CHRM2: variants seen among roughly 807,000 people sequenced by gnomAD.
The protein encoded by CHRM2 is muscarinic acetylcholine receptor M2.
A neutral mutation model predicts 25.0 loss-of-function variants in CHRM2; 8 were observed. The ratio of observed to expected loss-of-function variants is 0.32; its 90% CI spans 0.19 to 0.58. The LOEUF is 0.58. CHRM2 is among the 20% of genes least tolerant of loss of function. The probability of loss-of-function intolerance (pLI) is 0.88; values close to 1 mark genes in which losing one functional copy is unlikely to be tolerated. For missense variants in CHRM2, 440 were observed against 567.1 expected, an observed-to-expected ratio of 0.78 and a Z score of 2.28; for synonymous variants, 202 against 205.7, an observed-to-expected ratio of 0.98 and a Z score of 0.15.
intron 2 of CHRM2, among the ~76,000 whole-genome samples, chr7:136,905,377 T>A (rs1797478097): frequency 2.6e-5 from 4 of 151,834 alleles, no homozygotes; most frequent in Admixed American, 6.6e-5. Context: ...ATTTTTGTTC[T>A]TATTTTTTAA....
At chr7:136,966,316 T>G (rs1206622192) in intron 2 of CHRM2, among the ~76,000 whole-genome samples, 6 of 151,994 alleles carry the variant, frequency 3.9e-5, no homozygotes, top group Admixed American at 6.6e-5. Context: ...TGCTTCATTT[T>G]TAATAAAATT....
At chr7:136,965,642 G>T (rs1250916549) in intron 2 of CHRM2, among the ~76,000 whole-genome samples, 1 of 151,976 alleles carries the variant, frequency 6.6e-6, no homozygotes, top group Non-Finnish European at 1.5e-5. Context: ...AGAAGAAAAA[G>T]AAGCTCCTAC....
rs928690362 is a variant in CHRM2, at chr7:136,869,090, C to T, written c.-283+98C>T. 2.6e-5 allele frequency: 4 copies of T among 152,210 alleles called. No homozygotes were observed. Among genetic ancestry groups the T allele is most frequent in the African/African-American group, 9.7e-5 (4 of 41,422 alleles). 9.4% of individuals were successfully genotyped at this position (152,210 alleles called of 1,614,324 possible). A position where few individuals can be genotyped will look rare whatever the true frequency, so the allele number is the denominator to read the frequency against. On this transcript the variant is annotated intron_variant, in intron 1 of 3. Coordinates refer to ENST00000680005, the MANE Select transcript of CHRM2 (RefSeq NM_001006630.2). This position sits in a 1 kb window ranked among gnomAD's most constrained non-coding sequence, Gnocchi z 4.9. ...GTCTAAACCACGAACAGGTCACAGA[C>T]TAGCCAAGTGGCTGAGACGAGTGTG... is the stretch of plus-strand genomic sequence containing the variant.
intron 3 of CHRM2, among the ~76,000 whole-genome samples, chr7:137,010,617 G>C (rs1188027420): frequency 6.6e-6 from 1 of 151,964 alleles, no homozygotes; most frequent in East Asian, 1.9e-4. Flanking sequence ...CTGAGAGAAA[G>C]AAATGACAGC....
At chr7:136,968,725 TA>T (rs1801574359) in intron 2 of CHRM2, among the ~76,000 whole-genome samples, 1 of 124,612 alleles carries the variant, frequency 8.0e-6, no homozygotes, top group Non-Finnish European at 1.9e-5. Context: ...ATCATAAATA[TA>T]TATATATATA....
chr7:136,945,486 C>A (rs921223181), intron 2 of CHRM2, among the ~76,000 whole-genome samples: 1 of 151,908 alleles, frequency 6.6e-6, no homozygotes, highest in African/African-American at 2.4e-5. Flanking sequence ...TTGAATAGGG[C>A]GTCCTTTCCC....
chr7:136,953,951 C>T (rs966971079), intron 2 of CHRM2, among the ~76,000 whole-genome samples: 1 of 152,032 alleles, frequency 6.6e-6, no homozygotes, highest in Non-Finnish European at 1.5e-5. Context: ...ATCCTCTTAC[C>T]ATGGTGAGAG....
Position 137,015,669 on chromosome 7 carries a change from T to C in CHRM2, c.804T>C (p.Asp268=). ...TCCAGAATGGCAAAGCCCCCAGGGA[T>C]CCTGTGACTGAAAACTGTGTTCAGG... The part of the protein sequence containing the change: ...NKIQNGKAPR[D]PVTENCVQGE... The change falls in exon 4 of 4, where the codon GAT becomes GAC. Residue 268 remains aspartate, a synonymous_variant. Transcript: ENST00000680005. This position sits in a 1 kb window ranked among gnomAD's most constrained non-coding sequence, Gnocchi z 5.1. The C allele has an allele frequency of 6.2e-7, 1 of 1,612,950 alleles. No homozygotes were observed. Among genetic ancestry groups the C allele is most frequent in the Non-Finnish European group, 8.5e-7 (1 of 1,179,540 alleles).
chr7:136,889,518 C>A (rs138777698), intron 2 of CHRM2, among the ~76,000 whole-genome samples: 41 of 152,300 alleles, frequency 2.7e-4, no homozygotes, highest in Non-Finnish European at 4.9e-4. Flanking sequence ...GGACACAAAT[C>A]AACTTTTCCA....
At chr7:137,013,124 T>C (rs1036060826) in intron 3 of CHRM2, among the ~76,000 whole-genome samples, 95 of 152,120 alleles carry the variant, frequency 6.2e-4, no homozygotes, top group African/African-American at 2.1e-3. Flanking sequence ...ATTAAAGACA[T>C]TGGATAATTT....
chr7:136,991,067 C>A (rs1803194966), intron 2 of CHRM2, among the ~76,000 whole-genome samples: 1 of 152,092 alleles, frequency 6.6e-6, no homozygotes, highest in Admixed American at 6.6e-5. Flanking sequence ...CTTTTCATTT[C>A]TCTCAGTCTG....
chr7:136,997,234 G>A (rs962101060), intron 3 of CHRM2, among the ~76,000 whole-genome samples: 1 of 152,178 alleles, frequency 6.6e-6, no homozygotes, highest in Non-Finnish European at 1.5e-5. Flanking sequence ...ATGTATGTGT[G>A]TAGGAAGATA....
Position 137,019,367 on chromosome 7 carries a change from A to C in CHRM2, c.*3101A>C, listed in dbSNP as rs1427681476. 6.6e-6 allele frequency: 1 copy of C among 151,886 alleles called. No individual in the cohort carries two copies. Among genetic ancestry groups the C allele is most frequent in the East Asian group, 1.9e-4 (1 of 5,144 alleles). 9.4% of individuals were successfully genotyped at this position (151,886 alleles called of 1,614,324 possible). A position where few individuals can be genotyped will look rare whatever the true frequency, so the allele number is the denominator to read the frequency against. Reference sequence around the variant, plus strand: ...TATGCATATCGCACATCTTTTTTCCAGCATCTTAATGTTCAATTATGATTG... The same window carrying C: ...TATGCATATCGCACATCTTTTTTCCCGCATCTTAATGTTCAATTATGATTG... On this transcript the variant is annotated 3_prime_UTR_variant, in exon 4 of 4. Coordinates refer to ENST00000680005, the MANE Select transcript of CHRM2 (RefSeq NM_001006630.2).
At chr7:136,991,933 T>C (rs1051432302) in intron 2 of CHRM2, among the ~76,000 whole-genome samples, 1 of 152,158 alleles carries the variant, frequency 6.6e-6, no homozygotes, top group African/African-American at 2.4e-5. Flanking sequence ...GAGTCACTTC[T>C]CTTTGAGTAC....
At chr7:136,979,489 C>T (rs1477615101) in intron 2 of CHRM2, among the ~76,000 whole-genome samples, 1 of 152,154 alleles carries the variant, frequency 6.6e-6, no homozygotes, top group Non-Finnish European at 1.5e-5. Context: ...GTTGCCATTG[C>T]TTTTGGTATT....
In CHRM2 at chr7:136,961,102, A is replaced by G. The variant is rs530333247; in HGVS notation, c.-124-31085A>G. Among the ~76,000 whole-genome samples the G allele has an allele frequency of 5.6e-4, 85 of 152,246 alleles. 2 individuals are homozygous for G. The highest frequency in any genetic ancestry group is 2.0e-3 in the African/African-American group (83 of 41,534). On this transcript the variant is annotated intron_variant, in intron 2 of 3. Transcript: ENST00000680005. ...ATGGCGCCACTGCACTCCGGCCTGGACGACAGAGCTAGACTTCATTAAAAA... is the reference window on the plus strand; with the variant it reads ...ATGGCGCCACTGCACTCCGGCCTGGGCGACAGAGCTAGACTTCATTAAAAA...
At chr7:136,969,429 G>A (rs1326019615) in intron 2 of CHRM2, among the ~76,000 whole-genome samples, 3 of 152,068 alleles carry the variant, frequency 2.0e-5, no homozygotes, top group East Asian at 1.9e-4. Flanking sequence ...TGATTTTTAT[G>A]TCTCCAAATT....
At chr7:136,896,063 A>T (rs1796886844) in intron 2 of CHRM2, among the ~76,000 whole-genome samples, 1 of 152,222 alleles carries the variant, frequency 6.6e-6, no homozygotes, top group Admixed American at 6.5e-5. Flanking sequence ...CATATAATGC[A>T]AAAAGGAAAT....
At chr7:136,974,036 G>A (rs1313577958) in intron 2 of CHRM2, among the ~76,000 whole-genome samples, 1 of 151,976 alleles carries the variant, frequency 6.6e-6, no homozygotes, top group East Asian at 1.9e-4. Context: ...TTTTGCCTTG[G>A]CTGCGGTCTC....
Sources: gnomAD v4.1 joint callset for allele counts (sites outside exome capture counted in the v4.1 genomes callset) on GRCh38, gnomAD v4.1.1 for gene constraint, Gnocchi (gnomAD v3.1) non-coding constraint, MANE v1.5 for transcripts, NCBI Gene and HGNC (gene_info 2026-07-23, HGNC 2026-07-21) for gene names.